NHS: variants seen among roughly 807,000 people sequenced by gnomAD.
NHS encodes the protein actin remodeling regulator NHS.
NHS carries 5 observed loss-of-function variants against 72.5 expected under a neutral mutation model. That is an observed-to-expected ratio of 0.07 (90% CI 0.04 to 0.14). The LOEUF (loss-of-function observed/expected upper bound fraction) is 0.14. Ranked by LOEUF, NHS falls within the 10% of genes least tolerant of loss-of-function variation. NHS has a pLI of 1.00. For missense variants in NHS, 1,072 were observed against 1,355.7 expected (o/e 0.79, Z 3.29); for synonymous variants, 464 against 547.7 (o/e 0.85, Z 2.13).
At chrX:17,716,851 G>A (rs1050164541) in intron 3 of NHS, among the ~76,000 whole-genome samples, 33 of 110,990 alleles carry the variant, frequency 3.0e-4, no homozygotes, top group African/African-American at 1.0e-3. Flanking sequence ...GAGGAAGCAA[G>A]GATCACTGGC....
rs188856853 is a variant in NHS, at chrX:17,490,235, T to G, written c.565+113913T>G. Among the ~76,000 whole-genome samples the G allele has an allele frequency of 1.4e-3, 155 of 112,372 alleles. 1 individual carries two copies. The East Asian group carries it at 0.025, about 18-fold the overall frequency. On this transcript the variant is annotated intron_variant, in intron 1 of 8. Coordinates refer to ENST00000676302, the MANE Select transcript of NHS (RefSeq NM_001291867.2). Reference sequence around the variant, plus strand: ...CCTGAATGGTATTGCCTAGGTTTTCTTCTAGGGTTTTTATGGTTTTAGGTC... The same window carrying G: ...CCTGAATGGTATTGCCTAGGTTTTCGTCTAGGGTTTTTATGGTTTTAGGTC...
At chrX:17,533,649 AC>A (rs113140778) in intron 1 of NHS, among the ~76,000 whole-genome samples, 5,966 of 111,672 alleles carry the variant, frequency 0.053, 423 homozygotes, top group African/African-American at 0.19. Flanking sequence ...AGTACTGAGC[AC>A]AAAGTGATGA....
chrX:17,730,732 CTTAT>C (rs1274179025), intron 8 of NHS, among the ~76,000 whole-genome samples: 2 of 112,135 alleles, frequency 1.8e-5, no homozygotes, highest in Non-Finnish European at 3.8e-5. Context: ...GCAGGGTTTA[CTTAT>C]TTATCTATTT....
intron 1 of NHS, among the ~76,000 whole-genome samples, chrX:17,383,835 T>C (rs923410945): frequency 8.9e-6 from 1 of 112,226 alleles, no homozygotes; most frequent in Admixed American, 9.4e-5. Context: ...TTTGAATCCC[T>C]GTCTTGGCAT....
chrX:17,562,275 G>T (rs1418680674), intron 1 of NHS, among the ~76,000 whole-genome samples: 1 of 111,940 alleles, frequency 8.9e-6, no homozygotes, highest in Non-Finnish European at 1.9e-5. Context: ...TGAGTAACTG[G>T]AGCTGAATCC....
rs770275833 is a variant in NHS at position 17,727,481 on chromosome X, G to A, written c.3375G>A (p.Ser1125=). The change falls in exon 7 of 9, where the codon TCG becomes TCA. Residue 1125 remains serine (S), a synonymous_variant. Transcript: ENST00000676302. The part of the protein sequence containing the change: ...KQNTVGETLR[S]NPPPSLAITP... ...ACACAGTAGGAGAAACACTGAGGTC[G>A]AATCCTCCACCGTCCCTTGCAATTA... 1.7e-6 allele frequency: 2 copies of A among 1,209,197 alleles called. No individual in the cohort carries two copies. Among genetic ancestry groups the A allele is most frequent in the Non-Finnish European group, 2.2e-6 (2 of 894,665 alleles).
At chrX:17,511,870 C>T (rs1466753266) in intron 1 of NHS, among the ~76,000 whole-genome samples, 1 of 110,095 alleles carries the variant, frequency 9.1e-6, no homozygotes, top group Non-Finnish European at 1.9e-5. Flanking sequence ...CCTTCTTATT[C>T]AGACATTCAG....
At chrX:17,378,059 C>CGTGTGTGTGTGTGTGTGTGTGT (rs34807039) in intron 1 of NHS, among the ~76,000 whole-genome samples, 3,017 of 100,949 alleles carry the variant, frequency 0.03, 78 homozygotes, top group African/African-American at 0.064. Context: ...ATACATTTCC[C>CGTGTGTGTGTGTGTGTGTGTGT]GTGTGTGTGT....
At chrX:17,581,766 G>C (rs2065545163) in intron 1 of NHS, among the ~76,000 whole-genome samples, 1 of 111,491 alleles carries the variant, frequency 9.0e-6, no homozygotes, top group South Asian at 3.8e-4. Context: ...GTGGTGACTT[G>C]AAACTGATGA....
chrX:17,609,779 G>C (rs1258195446), intron 1 of NHS, among the ~76,000 whole-genome samples: 1 of 111,714 alleles, frequency 9.0e-6, no homozygotes, highest in African/African-American at 3.3e-5. Flanking sequence ...GAGGTGATGG[G>C]AAGTAAGGAG....
At chrX:17,432,534 G>A (rs988877507) in intron 1 of NHS, among the ~76,000 whole-genome samples, 3 of 112,516 alleles carry the variant, frequency 2.7e-5, no homozygotes, top group Non-Finnish European at 5.6e-5. Context: ...CCTCTACCTC[G>A]TTTTATGGAG....
At position 17,393,386 on chromosome X, in the gene NHS, G is replaced by A. The variant is rs143932267; in HGVS notation, c.565+17064G>A. ...CTGGTGCCTAAAATAGCGAAAACCC[G>A]ATCTACTTAAAAGGAATCCCCCCAG... is the stretch of plus-strand genomic sequence containing the variant. On this transcript the variant is annotated intron_variant, in intron 1 of 8. Transcript: ENST00000676302. 6.1e-3 allele frequency among the ~76,000 whole-genome samples: 688 copies of A among 112,042 alleles called. 9 individuals are homozygous for A. The highest frequency in any genetic ancestry group is 0.021 in the African/African-American group (657 of 30,832).
At chrX:17,474,490 G>A (rs913646798) in intron 1 of NHS, among the ~76,000 whole-genome samples, 1 of 111,654 alleles carries the variant, frequency 9.0e-6, no homozygotes, top group Non-Finnish European at 1.9e-5. Flanking sequence ...AGCTACTGGG[G>A]AGTGCCAGTG....
chrX:17,462,104 A>C (rs139982763), intron 1 of NHS, among the ~76,000 whole-genome samples: 222 of 111,746 alleles, frequency 2.0e-3, no homozygotes, highest in African/African-American at 6.5e-3. Context: ...ATGTTAATGC[A>C]GAAAAAGGAT....
At chrX:17,705,959 T>C (rs2066292798) in intron 3 of NHS, among the ~76,000 whole-genome samples, 1 of 111,182 alleles carries the variant, frequency 9.0e-6, no homozygotes, top group Non-Finnish European at 1.9e-5. Flanking sequence ...GAGGCTGAAG[T>C]GGGAAGATTG....
chrX:17,717,331 C>T (rs2066370713), intron 3 of NHS, among the ~76,000 whole-genome samples: 1 of 112,085 alleles, frequency 8.9e-6, no homozygotes, highest in African/African-American at 3.3e-5. Context: ...CATTCAGGTG[C>T]ACAAATATTT....
At chrX:17,672,089 G>C (rs1248544709) in intron 1 of NHS, among the ~76,000 whole-genome samples, 2 of 112,101 alleles carry the variant, frequency 1.8e-5, no homozygotes, top group African/African-American at 6.5e-5. Context: ...GGGACCAAAT[G>C]AGTACTCATA....
rs752591752 is a variant in NHS, at chrX:17,692,458, A to G, written c.842A>G (p.His281Arg). 23 of 1,207,765 alleles carry G rather than the reference A, an allele frequency of 1.9e-5. No individual in the cohort carries two copies. The African/African-American group carries it at 3.2e-4, about 17-fold the overall frequency. ...SQRRREFKDR[H>R]FLTFNSTRSP... ...AGGAGGCGTGAGTTTAAGGACCGTC[A>G]CTTTTTAACGGTAAGTTTGGTGGCC... Residue 281 changes from histidine (H) to arginine (R), a missense_variant, in exon 3 of 9, where the codon CAC becomes CGC. Coordinates refer to ENST00000676302, the MANE Select transcript of NHS (RefSeq NM_001291867.2).
intron 1 of NHS, among the ~76,000 whole-genome samples, chrX:17,601,565 C>T (rs890538367): frequency 2.7e-5 from 3 of 111,596 alleles, no homozygotes; most frequent in Non-Finnish European, 5.7e-5. Flanking sequence ...TCCTTAAAAA[C>T]TTATGTAACT....
Sources: gnomAD v4.1 joint callset for allele counts (sites outside exome capture counted in the v4.1 genomes callset) on GRCh38, gnomAD v4.1.1 for gene constraint, MANE v1.5 for transcripts, NCBI Gene and HGNC (gene_info 2026-07-23, HGNC 2026-07-21) for gene names.